The following EPHA6 variants were observed in gnomAD, a reference collection of about 807,000 sequenced individuals.
The protein encoded by EPHA6 is ephrin type-A receptor 6.
Under a neutral mutation model 112.0 loss-of-function variants are expected in EPHA6, and 50 were observed. The ratio of observed to expected loss-of-function variants is 0.45; its 90% CI spans 0.36 to 0.56. The LOEUF is 0.56. Ranked by LOEUF, EPHA6 falls within the 20% of genes least tolerant of loss-of-function variation. The pLI, the probability that EPHA6 is intolerant of heterozygous loss-of-function variation, is 0.00. For missense variants in EPHA6, 1,280 were observed against 1,417.4 expected (o/e 0.90, Z 1.56); for synonymous variants, 529 against 490.7 (o/e 1.08, Z -1.03).
chr3:97,277,799 A>T (rs1192641785), intron 5 of EPHA6, among the ~76,000 whole-genome samples: 1 of 152,244 alleles, frequency 6.6e-6, no homozygotes, highest in Non-Finnish European at 1.5e-5. Context: ...TTGGACTGGA[A>T]GTTGCTCCAA....
chr3:97,210,926 G>A (rs574724647), intron 3 of EPHA6, among the ~76,000 whole-genome samples: 9 of 152,208 alleles, frequency 5.9e-5, no homozygotes, highest in Non-Finnish European at 7.3e-5. Context: ...TTTCAACCAC[G>A]AGCTCAGCCA....
chr3:97,041,230 T>C (rs2045303008), intron 3 of EPHA6, among the ~76,000 whole-genome samples: 1 of 152,130 alleles, frequency 6.6e-6, no homozygotes, highest in Non-Finnish European at 1.5e-5. Flanking sequence ...TACACCTTTT[T>C]TTAGAGCATT....
At chr3:97,708,133 C>T (rs1396327319) in intron 14 of EPHA6, among the ~76,000 whole-genome samples, 1 of 152,138 alleles carries the variant, frequency 6.6e-6, no homozygotes, top group African/African-American at 2.4e-5. Context: ...CAGAAGGAGA[C>T]AGAAAGATGT....
At chr3:97,063,544 T>C (rs897649855) in intron 3 of EPHA6, among the ~76,000 whole-genome samples, 1 of 151,960 alleles carries the variant, frequency 6.6e-6, no homozygotes, top group Admixed American at 6.6e-5. Flanking sequence ...CACTTAGGCC[T>C]ATGGTGGGGA....
intron 1 of EPHA6, among the ~76,000 whole-genome samples, chr3:96,854,145 A>T (rs906507883): frequency 1.3e-5 from 2 of 150,796 alleles, no homozygotes; most frequent in African/African-American, 4.9e-5. Context: ...CTAAAAAAAG[A>T]TATATAGAAT....
chr3:97,758,058 C>CA lies in EPHA6; in HGVS notation c.*9364dup, dbSNP rs1248652619. Among the ~76,000 whole-genome samples, 1 of 151,594 alleles carries CA rather than the reference C, an allele frequency of 6.6e-6. No homozygotes were observed. Among genetic ancestry groups the CA allele is most frequent in the African/African-American group, 2.4e-5 (1 of 41,364 alleles). On this transcript the variant is annotated 3_prime_UTR_variant, in exon 18 of 18. Transcript: ENST00000389672. ...AATTCTCCACTGGATGTTATAAATT[C>CA]AAAAAAAGAACATATATTTTTTATA...
rs374683837 is a variant in EPHA6, at chr3:97,558,485, C to T, written c.2386+25942C>T. ...ACTGTTTTCCCTTCATGGTTATTTCCTATCTCTCCCAATGCTATGAGTGTT... is the reference window on the plus strand; with the variant it reads ...ACTGTTTTCCCTTCATGGTTATTTCTTATCTCTCCCAATGCTATGAGTGTT... On this transcript the variant is annotated intron_variant, in intron 11 of 17. Transcript: ENST00000389672. 1.2e-4 allele frequency among the ~76,000 whole-genome samples: 19 copies of T among 152,084 alleles called. No homozygotes were observed. The South Asian group carries it at 3.1e-3, about 25-fold the overall frequency.
intron 11 of EPHA6, among the ~76,000 whole-genome samples, chr3:97,584,265 G>A (rs1560161944): frequency 6.6e-6 from 1 of 152,218 alleles, no homozygotes; most frequent in East Asian, 1.9e-4. Context: ...GCATGTCAAG[G>A]AGAATAAGAC....
chr3:97,645,167 A>G (rs970982257), intron 14 of EPHA6, among the ~76,000 whole-genome samples: 5 of 151,874 alleles, frequency 3.3e-5, no homozygotes, highest in Non-Finnish European at 5.9e-5. Flanking sequence ...ATTACTAGGT[A>G]TATACCCAAA....
At position 97,737,481 on chromosome 3, in the gene EPHA6, G is replaced by A. The variant is rs150874839; in HGVS notation, c.3128+1363G>A. Reference sequence around the variant, plus strand: ...TAAGTAATAATAACGTTTATTATTAGGAAAACCAATGCATCTTAGTCACTG... The same window carrying A: ...TAAGTAATAATAACGTTTATTATTAAGAAAACCAATGCATCTTAGTCACTG... On this transcript the variant is annotated intron_variant, in intron 16 of 17. Coordinates refer to ENST00000389672, the MANE Select transcript of EPHA6 (RefSeq NM_001080448.3). Among the ~76,000 whole-genome samples, 67 of 151,970 alleles carry A rather than the reference G, an allele frequency of 4.4e-4. 1 individual carries two copies. In the East Asian group the frequency reaches 9.5e-3, roughly 22 times the overall value.
At chr3:97,049,722 G>A (rs2045625200) in intron 3 of EPHA6, among the ~76,000 whole-genome samples, 1 of 152,146 alleles carries the variant, frequency 6.6e-6, no homozygotes, top group Non-Finnish European at 1.5e-5. Flanking sequence ...TCTGGTGAGG[G>A]CCTCAGGCTA....
intron 3 of EPHA6, among the ~76,000 whole-genome samples, chr3:97,097,339 TCAGAGCTAA>T: frequency 6.6e-6 from 1 of 151,852 alleles, no homozygotes; most frequent in East Asian, 1.9e-4. Flanking sequence ...TTCCTGGCAG[TCAGAGCTAA>T]CAGACATAAT....
intron 3 of EPHA6, among the ~76,000 whole-genome samples, chr3:97,062,676 T>G (rs1044071234): frequency 6.6e-6 from 1 of 152,166 alleles, no homozygotes; most frequent in Non-Finnish European, 1.5e-5. Flanking sequence ...ATAAGTCTTA[T>G]GAGATCTGAT....
chr3:97,321,780 A>C lies in EPHA6; in HGVS notation c.1606+77493A>C, dbSNP rs1366662205. 3.9e-5 allele frequency among the ~76,000 whole-genome samples: 6 copies of C among 152,060 alleles called. 1 individual carries two copies. Among genetic ancestry groups the C allele is most frequent in the African/African-American group, 1.4e-4 (6 of 41,380 alleles). The stretch of plus-strand genomic sequence containing the variant: ...ATAAAAATTGGAAGAAGAGTCAACA[A>C]ATTATTTGTTAACTATAGACTAGCT... On this transcript the variant is annotated intron_variant, in intron 5 of 17. Coordinates refer to ENST00000389672, the MANE Select transcript of EPHA6 (RefSeq NM_001080448.3).
In EPHA6 at chr3:97,748,924, A is replaced by T; in HGVS notation, c.*223A>T. 1.9e-6 allele frequency: 1 copy of T among 522,320 alleles called. No homozygotes were observed. The highest frequency in any genetic ancestry group is 2.4e-5 in the South Asian group (1 of 40,870). 32.4% of individuals were successfully genotyped at this position (522,320 alleles called of 1,614,324 possible). ...TGCAACTAAAACCCTGGCCCACTGCAGATTATTGCTACGCAATGGTAAATA... is the reference window on the plus strand; with the variant it reads ...TGCAACTAAAACCCTGGCCCACTGCTGATTATTGCTACGCAATGGTAAATA... On this transcript the variant is annotated 3_prime_UTR_variant, in exon 18 of 18. Coordinates refer to ENST00000389672, the MANE Select transcript of EPHA6 (RefSeq NM_001080448.3).
At chr3:97,003,322 G>C (rs536267073) in intron 3 of EPHA6, among the ~76,000 whole-genome samples, 1 of 152,152 alleles carries the variant, frequency 6.6e-6, no homozygotes, top group South Asian at 2.1e-4. Flanking sequence ...TGGCCAGGCT[G>C]GTCTCGAACT....
At chr3:97,406,484 G>A (rs79278554) in intron 6 of EPHA6, among the ~76,000 whole-genome samples, 2,390 of 152,168 alleles carry the variant, frequency 0.016, 63 homozygotes, top group African/African-American at 0.052. Context: ...CGCAAATGAA[G>A]CCATAGTCTT....
At chr3:97,710,592 A>T (rs1166332986) in intron 14 of EPHA6, among the ~76,000 whole-genome samples, 2 of 152,226 alleles carry the variant, frequency 1.3e-5, no homozygotes, top group Non-Finnish European at 2.9e-5. Context: ...GGGGTATTAC[A>T]TATATTAAAA....
chr3:97,004,868 A>C lies in EPHA6; in HGVS notation c.1114+16875A>C, dbSNP rs1338876088. Among the ~76,000 whole-genome samples, 5 of 152,132 alleles carry C rather than the reference A, an allele frequency of 3.3e-5. No individual in the cohort carries two copies. The East Asian group carries it at 9.7e-4, about 29-fold the overall frequency. On this transcript the variant is annotated intron_variant, in intron 3 of 17. Transcript: ENST00000389672. ...TTTCCAGCACCATTTAATGAATAGG[A>C]GATCCTTTCCCCATTGCTTGTTTTT...
Sources: allele counts gnomAD v4.1 joint callset (sites outside exome capture counted in the v4.1 genomes callset), GRCh38; gene constraint gnomAD v4.1.1; transcripts MANE v1.5; gene names NCBI Gene and HGNC (gene_info 2026-07-23, HGNC 2026-07-21).